The following MMP16 variants were observed in gnomAD, a reference collection of about 807,000 sequenced individuals.
MMP16 encodes matrix metalloproteinase-16.
MMP16 carries 12 observed loss-of-function variants against 67.8 expected under a neutral mutation model. That is an observed-to-expected ratio of 0.18 (90% CI 0.11 to 0.29). The LOEUF is 0.29. Ranked by LOEUF, MMP16 falls within the 10% of genes least tolerant of loss-of-function variation. MMP16 has a pLI of 1.00. For synonymous variants in MMP16, 249 were observed against 255.9 expected (o/e 0.97, Z 0.26); for missense variants, 475 against 765.7 (o/e 0.62, Z 4.48).
chr8:88,034,839 G>C lies in MMP16; in HGVS notation c.*6622C>G, dbSNP rs774127638. ...TCTTGGCAAGACAGGCCAATGTAGC[G>C]ACATACATTCATATAAAAGGTGGCA... On this transcript the variant is annotated 3_prime_UTR_variant, in exon 10 of 10. Transcript: ENST00000286614. 21 of 151,864 alleles carry C rather than the reference G, an allele frequency of 1.4e-4. No homozygotes were observed. The highest frequency in any genetic ancestry group is 2.2e-4 in the Non-Finnish European group (15 of 67,920). 9.4% of individuals were successfully genotyped at this position (151,864 alleles called of 1,614,324 possible).
intron 7 of MMP16, among the ~76,000 whole-genome samples, chr8:88,059,436 A>G (rs1808369435): frequency 6.6e-6 from 1 of 152,150 alleles, no homozygotes; most frequent in Admixed American, 6.6e-5. Context: ...TAGTATCTAT[A>G]GTTATCTGAT....
At chr8:88,197,093 G>A in intron 2 of MMP16, 65 bp downstream of exon 2, 1 of 1,506,716 alleles carries the variant, frequency 6.6e-7, no homozygotes, top group Non-Finnish European at 8.9e-7. Flanking sequence ...TTCATATAAA[G>A]TTTTCCAGAC....
At chr8:88,262,527 C>T (rs1003750644) in intron 1 of MMP16, among the ~76,000 whole-genome samples, 6 of 152,196 alleles carry the variant, frequency 3.9e-5, no homozygotes, top group African/African-American at 1.4e-4. Context: ...AGCAGTATTG[C>T]TTACTACTGA....
intron 1 of MMP16, among the ~76,000 whole-genome samples, chr8:88,249,457 T>C (rs987000980): frequency 3.9e-5 from 6 of 152,152 alleles, no homozygotes; most frequent in African/African-American, 9.7e-5. Flanking sequence ...ATTACAATTA[T>C]GCTCATAGCA....
chr8:88,237,678 C>CAAA (rs750756275), intron 1 of MMP16, among the ~76,000 whole-genome samples: 652 of 15,312 alleles, frequency 0.043, 8 homozygotes, highest in East Asian at 0.075. Context: ...ACAACAACAA[C>CAAA]AACAAAAAAC....
rs1343209059 is a variant in MMP16 at position 88,064,449 on chromosome 8, G to C, written c.1223-8171C>G. ...TCAATAGCTTTGAAGTCAGAACTAG[G>C]GGGTGACAGCTCTACCAATAACCAG... On this transcript the variant is annotated intron_variant, in intron 7 of 9. Transcript: ENST00000286614. Among the ~76,000 whole-genome samples, 10 of 151,996 alleles carry C rather than the reference G, an allele frequency of 6.6e-5. No homozygotes were observed. In the East Asian group the frequency reaches 1.2e-3, roughly 18 times the overall value.
chr8:88,195,757 T>A (rs1023937727), intron 2 of MMP16, among the ~76,000 whole-genome samples: 2 of 152,174 alleles, frequency 1.3e-5, no homozygotes, highest in African/African-American at 4.8e-5. Flanking sequence ...TTCTTTTTAT[T>A]CTTGATTCTG....
intron 1 of MMP16, among the ~76,000 whole-genome samples, chr8:88,299,971 T>G (rs1477933172): frequency 3.9e-5 from 6 of 152,204 alleles, no homozygotes; most frequent in Non-Finnish European, 8.8e-5. Flanking sequence ...CTAGAATGCA[T>G]ATTCATATTA....
intron 6 of MMP16, among the ~76,000 whole-genome samples, chr8:88,088,704 A>C (rs1237622284): frequency 6.6e-6 from 1 of 152,040 alleles, no homozygotes; most frequent in Non-Finnish European, 1.5e-5. Flanking sequence ...TATTTACTTA[A>C]ATAAAGAGTT....
chr8:88,221,372 G>A (rs1809679960), intron 1 of MMP16, among the ~76,000 whole-genome samples: 1 of 152,080 alleles, frequency 6.6e-6, no homozygotes, highest in South Asian at 2.1e-4. Context: ...GGCTGGCCAT[G>A]ACATTCAATA....
intron 1 of MMP16, among the ~76,000 whole-genome samples, chr8:88,267,124 A>T (rs990312870): frequency 3.3e-5 from 5 of 152,196 alleles, no homozygotes; most frequent in Non-Finnish European, 7.3e-5. Flanking sequence ...AGGAACGTTC[A>T]TCTGCTTTTC....
chr8:88,075,976 A>ACACACAC, intron 6 of MMP16, among the ~76,000 whole-genome samples: 1 of 46,064 alleles, frequency 2.2e-5, no homozygotes, highest in East Asian at 9.8e-4. Context: ...CACACACACA[A>ACACACAC]AATCTACTGA....
intron 1 of MMP16, among the ~76,000 whole-genome samples, chr8:88,210,961 T>C (rs1809503623): frequency 6.6e-6 from 1 of 152,156 alleles, no homozygotes; most frequent in Non-Finnish European, 1.5e-5. Flanking sequence ...ATTGGTATTA[T>C]TATCTTCATT....
At chr8:88,118,362 G>GTT (rs72074734) in intron 5 of MMP16, among the ~76,000 whole-genome samples, 1 of 150,530 alleles carries the variant, frequency 6.6e-6, no homozygotes, top group Non-Finnish European at 1.5e-5. Flanking sequence ...ATTTTTCCTT[G>GTT]TTTTTTTTTG....
intron 4 of MMP16, among the ~76,000 whole-genome samples, chr8:88,145,074 C>T (rs1329994986): frequency 6.6e-6 from 1 of 151,896 alleles, no homozygotes; most frequent in East Asian, 1.9e-4. Context: ...ATTTTTAATA[C>T]CCCATAAGTC....
At chr8:88,055,188 C>G (rs999870474) in intron 8 of MMP16, among the ~76,000 whole-genome samples, 4 of 151,876 alleles carry the variant, frequency 2.6e-5, no homozygotes, top group Non-Finnish European at 5.9e-5. Context: ...TGCCTAAAAG[C>G]TACTGTAAGG....
chr8:88,205,510 C>T (rs10504848), intron 1 of MMP16, among the ~76,000 whole-genome samples: 11,032 of 152,210 alleles, frequency 0.072, 444 homozygotes, highest in African/African-American at 0.11. Flanking sequence ...CTTCTAAGAG[C>T]TTCTCTAATT....
chr8:88,268,444 C>T (rs552372185), intron 1 of MMP16, among the ~76,000 whole-genome samples: 6 of 152,298 alleles, frequency 3.9e-5, no homozygotes, highest in Non-Finnish European at 7.4e-5. Context: ...ACAAAGAAGA[C>T]AAGAAGAAGC....
At chr8:88,089,881 G>A (rs1371045864) in intron 6 of MMP16, among the ~76,000 whole-genome samples, 6 of 151,894 alleles carry the variant, frequency 4.0e-5, no homozygotes, top group Non-Finnish European at 8.8e-5. Flanking sequence ...TAGGTTCCAA[G>A]CATTAAGAAA....
Sources: gnomAD v4.1 joint callset for allele counts (sites outside exome capture counted in the v4.1 genomes callset) on GRCh38, gnomAD v4.1.1 for gene constraint, MANE v1.5 for transcripts, NCBI Gene and HGNC (gene_info 2026-07-23, HGNC 2026-07-21) for gene names.